Variants in DOCK8 observed in about 807,000 individuals in gnomAD.
DOCK8 encodes the protein dedicator of cytokinesis protein 8.
In DOCK8, 141 loss-of-function variants were observed where a neutral mutation model predicts 245.6. The observed-to-expected ratio is 0.57, with a 90% confidence interval of 0.50 to 0.66. The LOEUF (loss-of-function observed/expected upper bound fraction) is 0.66. Among genes scored for constraint, DOCK8 ranks in the 30% least tolerant of loss-of-function variants. DOCK8 has a pLI of 0.00. For missense variants in DOCK8, 2,965 were observed against 2,603.4 expected, an observed-to-expected ratio of 1.14 and a Z score of -3.02; for synonymous variants, 1,168 against 970.2, an observed-to-expected ratio of 1.20 and a Z score of -3.79.
chr9:453,218 G>A (rs2057523199), intron 46 of DOCK8, among the ~76,000 whole-genome samples: 1 of 152,182 alleles, frequency 6.6e-6, no homozygotes, highest in Admixed American at 6.5e-5. Context: ...ACAGCCGCTT[G>A]GTAATAGGAT....
At chr9:340,112 T>A in intron 13 of DOCK8, 47 bp from the exon 14 acceptor site, 1 of 1,594,076 alleles carries the variant, frequency 6.3e-7, no homozygotes, top group South Asian at 1.1e-5. Flanking sequence ...GATTCCCTCA[T>A]AACATGACAG....
At chr9:337,006 G>A (rs1290847471) in intron 12 of DOCK8, among the ~76,000 whole-genome samples, 3 of 152,100 alleles carry the variant, frequency 2.0e-5, no homozygotes, top group East Asian at 1.9e-4. Flanking sequence ...GGTGGAGCAC[G>A]GTGAGCAGCT....
chr9:396,515 A>G (rs992867475), intron 24 of DOCK8, among the ~76,000 whole-genome samples: 42 of 152,202 alleles, frequency 2.8e-4, no homozygotes, highest in African/African-American at 7.2e-4. Context: ...CTGTAGCTAA[A>G]GAATTAAGCT....
rs369359927 is a variant in DOCK8, at chr9:350,266, C to G, written c.1679+9945C>G. On this transcript the variant is annotated intron_variant, in intron 14 of 47. Coordinates refer to ENST00000432829, the MANE Select transcript of DOCK8 (RefSeq NM_203447.4). ...AAGCTAGGACCACTGCTGTGTGTCA[C>G]CACACCAGCTAATTATTTTATCTTT... Among the ~76,000 whole-genome samples the G allele has an allele frequency of 2.1e-4, 32 of 152,276 alleles. No homozygotes were observed. In the East Asian group the frequency reaches 3.9e-3, roughly 18 times the overall value.
chr9:289,954 CCT>C (rs1290190268), intron 4 of DOCK8, among the ~76,000 whole-genome samples: 3 of 152,322 alleles, frequency 2.0e-5, no homozygotes, highest in Middle Eastern at 3.4e-3. Flanking sequence ...CCCTAAAAAT[CCT>C]CTGTGTTCCA....
chr9:412,867 CTA>C (rs2055810669), intron 28 of DOCK8, among the ~76,000 whole-genome samples: 1 of 136,836 alleles, frequency 7.3e-6, no homozygotes. Context: ...TCTCAGAATT[CTA>C]GCTTGCTTTT....
chr9:334,128 G>C, intron 10 of DOCK8, 97 bp from the exon 11 acceptor site: 1 of 1,338,692 alleles, frequency 7.5e-7, no homozygotes. Flanking sequence ...TTAATCAGTA[G>C]GGTTTGGATT....
chr9:286,294 T>G (rs1392941127), intron 2 of DOCK8, among the ~76,000 whole-genome samples, 167 bp from the exon 3 acceptor site: 1 of 152,208 alleles, frequency 6.6e-6, no homozygotes, highest in Non-Finnish European at 1.5e-5. Context: ...TTTTTCCATA[T>G]CACTACTTCT....
chr9:380,908 G>A (rs2053693888), intron 21 of DOCK8: 1 of 158,830 alleles, frequency 6.3e-6, no homozygotes. Flanking sequence ...GACCAGCCCA[G>A]GGAACATAAT....
chr9:324,959 T>A (rs908859684), intron 7 of DOCK8, among the ~76,000 whole-genome samples: 1 of 152,122 alleles, frequency 6.6e-6, no homozygotes, highest in Non-Finnish European at 1.5e-5. Flanking sequence ...GTAGTTTTTT[T>A]ATCCCTCATC....
intron 1 of DOCK8, among the ~76,000 whole-genome samples, chr9:237,217 G>T (rs1425266954): frequency 6.6e-6 from 1 of 152,252 alleles, no homozygotes; most frequent in Non-Finnish European, 1.5e-5. Context: ...GGATTTGGAT[G>T]TGGGAGCTGC....
At chr9:301,172 C>T (rs904722466) in intron 4 of DOCK8, among the ~76,000 whole-genome samples, 1 of 152,130 alleles carries the variant, frequency 6.6e-6, no homozygotes, top group Non-Finnish European at 1.5e-5. Context: ...TCCTGGGATG[C>T]GAGGTTGGTT....
chr9:405,106 T>G (rs755147130), intron 27 of DOCK8, 33 bp downstream of exon 27: 2 of 1,584,460 alleles, frequency 1.3e-6, no homozygotes, highest in African/African-American at 2.7e-5. Flanking sequence ...AAAAGAATTA[T>G]TCAAGCTATT....
chr9:368,245 A>G (rs780805623), intron 15 of DOCK8, 110 bp downstream of exon 15: 9 of 933,438 alleles, frequency 9.6e-6, no homozygotes, highest in East Asian at 2.4e-5. Context: ...TTCCAGGCCA[A>G]TACTGCTCAG....
At chr9:400,850 ATCACCACCTCCT>A (rs1564015842) in intron 26 of DOCK8, among the ~76,000 whole-genome samples, 1 of 101,466 alleles carries the variant, frequency 9.9e-6, no homozygotes, top group Non-Finnish European at 2.0e-5. Flanking sequence ...CACCTCCACC[ATCACCACCTCCT>A]CCACCATCAC....
chr9:225,418 A>T (rs1363477945), intron 1 of DOCK8, among the ~76,000 whole-genome samples: 2 of 152,122 alleles, frequency 1.3e-5, no homozygotes, highest in Non-Finnish European at 2.9e-5. Flanking sequence ...ATTCCAGGGG[A>T]GGAGTGAGGA....
At position 382,767 on chromosome 9, in the gene DOCK8, A is replaced by G. The variant is rs140403241; in HGVS notation, c.2778+82A>G. 345 of 1,533,780 alleles carry G rather than the reference A, an allele frequency of 2.2e-4. No individual in the cohort carries two copies. The African/African-American group carries it at 4.2e-3, about 19-fold the overall frequency. On this transcript the variant is annotated intron_variant, in intron 22 of 47. Coordinates refer to ENST00000432829, the MANE Select transcript of DOCK8 (RefSeq NM_203447.4). ...AACTTGGAGAAGTAACACAGAAGCA[A>G]CCACTACTGCTGCCCACCATGCTGG...
intron 1 of DOCK8, among the ~76,000 whole-genome samples, chr9:263,084 G>A (rs1237812972): frequency 6.6e-6 from 1 of 152,140 alleles, no homozygotes; most frequent in East Asian, 1.9e-4. Context: ...GCAGGTGCCT[G>A]TAGTCTCAGC....
chr9:336,815 A>AT, intron 12 of DOCK8, 97 bp downstream of exon 12: 1 of 1,442,784 alleles, frequency 6.9e-7, no homozygotes. Context: ...AAGAGAGCAA[A>AT]TTAGTTAAGC....
Sources: allele counts gnomAD v4.1 joint callset (sites outside exome capture counted in the v4.1 genomes callset), GRCh38; gene constraint gnomAD v4.1.1; transcripts MANE v1.5; gene names NCBI Gene and HGNC (gene_info 2026-07-23, HGNC 2026-07-21).